WDR70: variants seen among roughly 807,000 people sequenced by gnomAD.
WDR70 encodes WD repeat-containing protein 70.
WDR70 carries 53 observed loss-of-function variants against 88.6 expected under a neutral mutation model. That is an observed-to-expected ratio of 0.60 (90% confidence interval 0.48 to 0.75). The LOEUF (loss-of-function observed/expected upper bound fraction) is 0.75. WDR70 is among the 30% of genes least tolerant of loss of function. The probability of loss-of-function intolerance (pLI) is 0.00; values close to 1 mark genes in which losing one functional copy is unlikely to be tolerated. For missense variants in WDR70, 610 were observed against 823.2 expected (o/e 0.74, Z 3.17); for synonymous variants, 280 against 270.0 (o/e 1.04, Z -0.36).
At chr5:37,622,177 C>T (rs1432228067) in intron 10 of WDR70, among the ~76,000 whole-genome samples, 2 of 152,056 alleles carry the variant, frequency 1.3e-5, no homozygotes, top group Non-Finnish European at 2.9e-5. Flanking sequence ...AAATGCAAAT[C>T]GAAACCACAA....
intron 13 of WDR70, 74 bp downstream of exon 13, chr5:37,703,161 G>C: frequency 1.9e-6 from 3 of 1,557,100 alleles, no homozygotes; most frequent in Non-Finnish European, 2.6e-6. Context: ...GGTTTTGTTT[G>C]TTAAGTAGAA....
At chr5:37,534,698 C>T (rs1245017135) in intron 9 of WDR70, among the ~76,000 whole-genome samples, 2 of 151,934 alleles carry the variant, frequency 1.3e-5, no homozygotes, top group Admixed American at 6.6e-5. Context: ...AGGCTGGTCT[C>T]GAACTCCTGA....
At chr5:37,474,050 A>T (rs1739407027) in intron 7 of WDR70, among the ~76,000 whole-genome samples, 1 of 152,152 alleles carries the variant, frequency 6.6e-6, no homozygotes, top group Non-Finnish European at 1.5e-5. Flanking sequence ...CATTCAGTTA[A>T]CATTTTCTAA....
intron 3 of WDR70, among the ~76,000 whole-genome samples, chr5:37,383,103 AAAAC>A (rs1167221048): frequency 2.0e-5 from 3 of 152,058 alleles, no homozygotes; most frequent in Non-Finnish European, 4.4e-5. Flanking sequence ...TATAAAATAT[AAAAC>A]AAAATAACTA....
At chr5:37,643,702 A>T (rs529898872) in intron 10 of WDR70, among the ~76,000 whole-genome samples, 5 of 151,852 alleles carry the variant, frequency 3.3e-5, no homozygotes, top group Admixed American at 6.6e-5. Flanking sequence ...GGAATCTTTC[A>T]CTTCTTTGGT....
chr5:37,649,118 T>A (rs902933222), intron 10 of WDR70, among the ~76,000 whole-genome samples: 8 of 152,208 alleles, frequency 5.3e-5, no homozygotes, highest in African/African-American at 1.9e-4. Flanking sequence ...AAGATTCATG[T>A]AGGAAAAGGT....
chr5:37,586,510 T>G (rs1434698616), intron 9 of WDR70, among the ~76,000 whole-genome samples: 1 of 152,040 alleles, frequency 6.6e-6, no homozygotes, highest in East Asian at 1.9e-4. Context: ...GCTGCACCCA[T>G]CAACCCGTCA....
At chr5:37,439,250 A>G (rs557507094) in intron 6 of WDR70, among the ~76,000 whole-genome samples, 1 of 152,222 alleles carries the variant, frequency 6.6e-6, no homozygotes, top group Admixed American at 6.5e-5. Flanking sequence ...GAGTGTAAAG[A>G]GTCTTGAAAT....
intron 6 of WDR70, among the ~76,000 whole-genome samples, chr5:37,442,773 A>G (rs541635748): frequency 2.2e-3 from 332 of 152,340 alleles, no homozygotes; most frequent in Non-Finnish European, 3.3e-3. Flanking sequence ...TACTTTGTTA[A>G]ATAGATTTCT....
chr5:37,380,427 C>T (rs1365005400), intron 2 of WDR70, among the ~76,000 whole-genome samples: 6 of 151,990 alleles, frequency 3.9e-5, no homozygotes. Flanking sequence ...CAATCTCTGC[C>T]TCCCGGATTC....
At chr5:37,706,464 C>T (rs969060010) in intron 13 of WDR70, among the ~76,000 whole-genome samples, 19 of 152,126 alleles carry the variant, frequency 1.2e-4, no homozygotes, top group African/African-American at 3.4e-4. Flanking sequence ...ATCATGGGGG[C>T]GGGTCTTTTC....
chr5:37,506,540 A>C, intron 8 of WDR70: 1 of 771,544 alleles, frequency 1.3e-6, no homozygotes, highest in Non-Finnish European at 2.4e-6. Context: ...TATTCGCTAA[A>C]GTGCTCCGTG....
chr5:37,545,524 T>C (rs1364756469), intron 9 of WDR70, among the ~76,000 whole-genome samples: 8 of 150,082 alleles, frequency 5.3e-5, no homozygotes, highest in East Asian at 1.9e-4. Context: ...TTTAATTTTG[T>C]TTTTGTTTTT....
chr5:37,423,637 C>T (rs1448968763), intron 5 of WDR70, among the ~76,000 whole-genome samples: 1 of 143,886 alleles, frequency 6.9e-6, no homozygotes, highest in Non-Finnish European at 1.5e-5. Flanking sequence ...TATCTTGGCT[C>T]ATTGCAACTT....
chr5:37,594,113 A>T (rs961445235), intron 9 of WDR70, among the ~76,000 whole-genome samples: 28 of 152,094 alleles, frequency 1.8e-4, no homozygotes, highest in Non-Finnish European at 4.0e-4. Flanking sequence ...GTTCACTCTG[A>T]TGGTAGTTTC....
Position 37,474,007 on chromosome 5 carries a change from G to A in WDR70, c.687-5827G>A, listed in dbSNP as rs189451232. 8.1e-3 allele frequency among the ~76,000 whole-genome samples: 1,238 copies of A among 152,112 alleles called. 9 individuals are homozygous for A. Among genetic ancestry groups the A allele is most frequent in the African/African-American group, 0.02 (836 of 41,506 alleles). ...ACTAAATTTTCTACTTTAGCTATAT[G>A]TCACAAGTTCTAATTCATTATATTT... On this transcript the variant is annotated intron_variant, in intron 7 of 17. Transcript: ENST00000265107.
At chr5:37,409,617 G>A (rs1356106621) in intron 5 of WDR70, among the ~76,000 whole-genome samples, 1 of 151,396 alleles carries the variant, frequency 6.6e-6, no homozygotes, top group African/African-American at 2.4e-5. Flanking sequence ...CGATTCTCCC[G>A]CCTCAGCTTC....
chr5:37,618,877 G>A (rs1013393642), intron 10 of WDR70, among the ~76,000 whole-genome samples: 2 of 152,092 alleles, frequency 1.3e-5, no homozygotes, highest in East Asian at 1.9e-4. Context: ...ACTGGTTAGG[G>A]GCTATTTTAG....
intron 5 of WDR70, among the ~76,000 whole-genome samples, chr5:37,417,069 A>G (rs1447886396): frequency 1.2e-4 from 1 of 8,122 alleles, no homozygotes; most frequent in Non-Finnish European, 0.017. Context: ...TGCATCTGCT[A>G]TGTGATGGAC....
Sources: allele counts gnomAD v4.1 joint callset (sites outside exome capture counted in the v4.1 genomes callset), GRCh38; gene constraint gnomAD v4.1.1; transcripts MANE v1.5; gene names NCBI Gene and HGNC (gene_info 2026-07-23, HGNC 2026-07-21).